PPARGC1B: variants seen among roughly 807,000 people sequenced by gnomAD.
PPARGC1B encodes PPARG coactivator 1 beta.
PPARGC1B carries 34 observed loss-of-function variants against 101.6 expected under a neutral mutation model. The observed-to-expected ratio is 0.33, with a 90% confidence interval of 0.25 to 0.45. The LOEUF (loss-of-function observed/expected upper bound fraction) is 0.45. PPARGC1B is among the 20% of genes least tolerant of loss of function. The probability of loss-of-function intolerance (pLI) is 1.00; values close to 1 mark genes in which losing one functional copy is unlikely to be tolerated. For missense variants in PPARGC1B, 1,234 were observed against 1,317.6 expected (o/e 0.94, Z 0.98); for synonymous variants, 548 against 539.3 (o/e 1.02, Z -0.22).
chr5:149,763,960 G>A (rs1434288840), intron 1 of PPARGC1B, among the ~76,000 whole-genome samples: 4 of 152,018 alleles, frequency 2.6e-5, no homozygotes, highest in African/African-American at 9.7e-5. Flanking sequence ...GATTACAGGT[G>A]TGAGCCACTG....
chr5:149,747,387 C>T (rs1269063440), intron 1 of PPARGC1B, among the ~76,000 whole-genome samples: 1 of 152,200 alleles, frequency 6.6e-6, no homozygotes, highest in Non-Finnish European at 1.5e-5. Context: ...CTCACCTAAC[C>T]CTCCTAACAG....
chr5:149,794,373 A>G (rs566270378), intron 1 of PPARGC1B, among the ~76,000 whole-genome samples: 2 of 152,342 alleles, frequency 1.3e-5, no homozygotes, highest in South Asian at 4.1e-4. Flanking sequence ...GAATATCCAC[A>G]TGAGAGGAAA....
chr5:149,781,674 G>A (rs1266111051), intron 1 of PPARGC1B, among the ~76,000 whole-genome samples: 6 of 152,198 alleles, frequency 3.9e-5, no homozygotes, highest in African/African-American at 1.4e-4. Context: ...CTAAATTTCT[G>A]CTTTACGGAA....
chr5:149,802,319 C>T (rs574173492), intron 1 of PPARGC1B, among the ~76,000 whole-genome samples: 11 of 152,200 alleles, frequency 7.2e-5, no homozygotes, highest in Non-Finnish European at 1.5e-4. Context: ...ACTCAATTTG[C>T]GACGTGAGCT....
intron 1 of PPARGC1B, chr5:149,818,996 C>G (rs757611990): frequency 6.7e-4 from 269 of 403,786 alleles, no homozygotes; most frequent in Non-Finnish European, 1.1e-3. Context: ...TGTCAGCCCC[C>G]CAACTCAGGC....
chr5:149,781,356 A>G (rs1182253068), intron 1 of PPARGC1B, among the ~76,000 whole-genome samples: 2 of 152,194 alleles, frequency 1.3e-5, no homozygotes, highest in African/African-American at 2.4e-5. Flanking sequence ...GCCGTTCTGC[A>G]TAGCTGCCAT....
At position 149,737,780 on chromosome 5, in the gene PPARGC1B, G is replaced by C. The variant is rs576334571; in HGVS notation, c.78+7360G>C. Reference sequence around the variant, plus strand: ...AGGCTGAGGTGGGTGGATCACCTGAGGTCAGGAGTTCGAGACCAGCCTGGC... The same window carrying C: ...AGGCTGAGGTGGGTGGATCACCTGACGTCAGGAGTTCGAGACCAGCCTGGC... On this transcript the variant is annotated intron_variant, in intron 1 of 11. Coordinates refer to ENST00000309241, the MANE Select transcript of PPARGC1B (RefSeq NM_133263.4). 3.3e-5 allele frequency among the ~76,000 whole-genome samples: 5 copies of C among 152,226 alleles called. No individual in the cohort carries two copies. In the South Asian group the frequency reaches 8.3e-4, roughly 25 times the overall value.
At chr5:149,772,825 G>A (rs1336287212) in intron 1 of PPARGC1B, among the ~76,000 whole-genome samples, 1 of 152,170 alleles carries the variant, frequency 6.6e-6, no homozygotes, top group East Asian at 1.9e-4. Flanking sequence ...TTCTGTAACT[G>A]CTGACTGGGT....
chr5:149,785,760 G>T (rs1756780053), intron 1 of PPARGC1B, among the ~76,000 whole-genome samples: 1 of 152,214 alleles, frequency 6.6e-6, no homozygotes, highest in East Asian at 1.9e-4. Flanking sequence ...TCAGAGGCTG[G>T]TGGCACTCCA....
At chr5:149,770,648 C>T (rs1462528233) in intron 1 of PPARGC1B, among the ~76,000 whole-genome samples, 1 of 151,508 alleles carries the variant, frequency 6.6e-6, no homozygotes, top group Admixed American at 6.6e-5. Flanking sequence ...GCCTGGGCAG[C>T]ATAGTGAGAC....
chr5:149,808,804 A>G (rs913740387), intron 1 of PPARGC1B, among the ~76,000 whole-genome samples: 2 of 152,206 alleles, frequency 1.3e-5, no homozygotes, highest in African/African-American at 2.4e-5. Flanking sequence ...CATTTGGGAT[A>G]CAGTGGGCAA....
intron 1 of PPARGC1B, among the ~76,000 whole-genome samples, chr5:149,791,811 A>G (rs996465456): frequency 1.3e-5 from 2 of 152,228 alleles, no homozygotes; most frequent in Admixed American, 6.5e-5. Flanking sequence ...AACTTCTGAC[A>G]GATTAAGATA....
intron 1 of PPARGC1B, among the ~76,000 whole-genome samples, chr5:149,783,965 T>C (rs1436524085): frequency 6.6e-6 from 1 of 152,098 alleles, no homozygotes; most frequent in African/African-American, 2.4e-5. Flanking sequence ...GGCATGCGTG[T>C]ACATACATGC....
intron 11 of PPARGC1B, 90 bp downstream of exon 11, chr5:149,846,004 T>G (rs1389648279): frequency 4.6e-6 from 7 of 1,512,912 alleles, no homozygotes; most frequent in Non-Finnish European, 6.4e-6. Context: ...CTAAAGCGCC[T>G]TGTGGACATA....
At chr5:149,819,494 G>T (rs200309358) in intron 1 of PPARGC1B, among the ~76,000 whole-genome samples, 1 of 147,068 alleles carries the variant, frequency 6.8e-6, no homozygotes, top group Admixed American at 6.7e-5. Flanking sequence ...GTTTGTTTTT[G>T]TTTTTTTTTG....
At chr5:149,815,794 G>T (rs963606873) in intron 1 of PPARGC1B, among the ~76,000 whole-genome samples, 2 of 152,160 alleles carry the variant, frequency 1.3e-5, no homozygotes, top group Non-Finnish European at 2.9e-5. Context: ...TGATCTGCCC[G>T]CCTCGGCCTC....
At chr5:149,761,255 G>A (rs572974220) in intron 1 of PPARGC1B, among the ~76,000 whole-genome samples, 2 of 152,290 alleles carry the variant, frequency 1.3e-5, no homozygotes. Context: ...GTGCTTGTGT[G>A]TATGTGTCTG....
At chr5:149,841,335 G>A (rs1360966987) in intron 9 of PPARGC1B, among the ~76,000 whole-genome samples, 1 of 152,076 alleles carries the variant, frequency 6.6e-6, no homozygotes, top group East Asian at 1.9e-4. Context: ...AAGCTGCAAG[G>A]AGAGTGGGAG....
At chr5:149,810,406 G>A (rs910846013) in intron 1 of PPARGC1B, among the ~76,000 whole-genome samples, 6 of 152,238 alleles carry the variant, frequency 3.9e-5, no homozygotes, top group African/African-American at 1.4e-4. Context: ...CGAAGGTGGG[G>A]TGGGGGGCCT....
Sources: allele counts gnomAD v4.1 joint callset (sites outside exome capture counted in the v4.1 genomes callset), GRCh38; gene constraint gnomAD v4.1.1; transcripts MANE v1.5; gene names NCBI Gene and HGNC (gene_info 2026-07-23, HGNC 2026-07-21).